The following CNST variants were observed in gnomAD, a reference collection of about 807,000 sequenced individuals.
CNST encodes consortin.
A neutral mutation model predicts 72.4 loss-of-function variants in CNST; 39 were observed. The ratio of observed to expected loss-of-function variants is 0.54; its 90% CI spans 0.42 to 0.70. CNST has a LOEUF of 0.70. CNST is among the 30% of genes least tolerant of loss of function. CNST has a pLI of 0.00. For missense variants in CNST, 871 were observed against 868.5 expected (o/e 1.00, Z -0.04); for synonymous variants, 332 against 320.1 (o/e 1.04, Z -0.40).
At chr1:246,599,804 C>T (rs969717992) in intron 2 of CNST, among the ~76,000 whole-genome samples, 13 of 152,212 alleles carry the variant, frequency 8.5e-5, no homozygotes, top group African/African-American at 3.1e-4. Context: ...TAATTCTTCA[C>T]TTTATAAAAG....
At chr1:246,609,404 C>T (rs548054034) in intron 2 of CNST, among the ~76,000 whole-genome samples, 36 of 152,196 alleles carry the variant, frequency 2.4e-4, no homozygotes, top group African/African-American at 6.3e-4. Flanking sequence ...GGCAAAACCC[C>T]GTCTCTACTA....
At chr1:246,622,259 A>C (rs61852393) in intron 3 of CNST, among the ~76,000 whole-genome samples, 6,670 of 152,290 alleles carry the variant, frequency 0.044, 194 homozygotes, top group Middle Eastern at 0.088. Context: ...GTAAACAGAG[A>C]TTACTTGGCA....
intron 1 of CNST, among the ~76,000 whole-genome samples, chr1:246,582,358 T>TGC (rs1660845563): frequency 1.4e-5 from 1 of 71,146 alleles, no homozygotes; most frequent in African/African-American, 3.9e-5. Context: ...CCTCCATGCT[T>TGC]TTTTTTTTTT....
chr1:246,644,798 G>A (rs1380158065), intron 8 of CNST, among the ~76,000 whole-genome samples: 1 of 152,314 alleles, frequency 6.6e-6, no homozygotes, highest in South Asian at 2.1e-4. Context: ...CATGTTTTGA[G>A]GGACATCTTC....
chr1:246,613,455 T>A (rs982881500), intron 2 of CNST, among the ~76,000 whole-genome samples: 14 of 151,942 alleles, frequency 9.2e-5, no homozygotes, highest in Admixed American at 2.6e-4. Flanking sequence ...CGTCTCTGAA[T>A]AATGGCATAA....
At chr1:246,601,906 C>T (rs1408433957) in intron 2 of CNST, among the ~76,000 whole-genome samples, 3 of 152,254 alleles carry the variant, frequency 2.0e-5, no homozygotes, top group South Asian at 4.1e-4. Flanking sequence ...ATGGAGAGAG[C>T]AGTTTGGAAG....
Position 246,591,523 on chromosome 1 carries a change from C to A in CNST, c.-40C>A. ...TTTTGTCATTGTAGACATGGAAGGTCTTTAATGTAACTTTAAATGGTTCAC... is the reference window on the plus strand; with the variant it reads ...TTTTGTCATTGTAGACATGGAAGGTATTTAATGTAACTTTAAATGGTTCAC... On this transcript the variant is annotated 5_prime_UTR_variant, in exon 2 of 11. Transcript: ENST00000366513. 5.0e-6 allele frequency: 8 copies of A among 1,610,260 alleles called. No homozygotes were observed. Among genetic ancestry groups the A allele is most frequent in the Non-Finnish European group, 6.8e-6 (8 of 1,177,568 alleles).
intron 3 of CNST, among the ~76,000 whole-genome samples, chr1:246,629,993 A>G (rs1465463828): frequency 6.6e-6 from 1 of 152,172 alleles, no homozygotes; most frequent in African/African-American, 2.4e-5. Context: ...CGGTCTCTCA[A>G]AGTGCTGGGA....
chr1:246,571,573 C>T lies in CNST; in HGVS notation c.-52+4910C>T, dbSNP rs188071912. On this transcript the variant is annotated intron_variant, in intron 1 of 10. Transcript: ENST00000366513. ...TCCTGTTTTTCATCATCATTAGCCA[C>T]GTGGAAAGGAAAGACAGTGTGTGCC... is the stretch of plus-strand genomic sequence containing the variant. Among the ~76,000 whole-genome samples, 113 of 152,228 alleles carry T rather than the reference C, an allele frequency of 7.4e-4. 1 individual carries two copies. The highest frequency in any genetic ancestry group is 1.2e-3 in the Non-Finnish European group (84 of 68,028).
In CNST at chr1:246,647,590, A is replaced by C. The variant is rs377662529; in HGVS notation, c.1389A>C (p.Pro463=). The C allele has an allele frequency of 1.4e-4, 219 of 1,614,110 alleles. No homozygotes were observed. The highest frequency in any genetic ancestry group is 1.8e-4 in the Non-Finnish European group (211 of 1,180,048). The change falls in exon 9 of 11, where the codon CCA becomes CCC. Residue 463 remains proline (P), a synonymous_variant. Transcript: ENST00000366513. ...SQAQRKELRL[P]LRDASEALPT... ...CTCAGAGGAAAGAACTCCGTTTGCC[A>C]CTTCGGGATGCTTCTGAGGCGTTGC...
At chr1:246,590,240 G>T (rs887703250) in intron 1 of CNST, among the ~76,000 whole-genome samples, 4 of 152,160 alleles carry the variant, frequency 2.6e-5, no homozygotes, top group African/African-American at 7.2e-5. Context: ...TGGGGAGCGT[G>T]ACTGGGGGCT....
rs538032720 is a variant in CNST, at chr1:246,651,395, G to T, written c.1836+3358G>T. On this transcript the variant is annotated intron_variant, in intron 9 of 10. Coordinates refer to ENST00000366513, the MANE Select transcript of CNST (RefSeq NM_152609.3). The stretch of plus-strand genomic sequence containing the variant: ...ATTGTGTTTGTGGTAGAGCATGCTG[G>T]TTTGTTCTTTCTTTGCCAGCTTTCC... Among the ~76,000 whole-genome samples, 3 of 152,162 alleles carry T rather than the reference G, an allele frequency of 2.0e-5. No individual in the cohort carries two copies. In the South Asian group the frequency reaches 6.2e-4, roughly 32 times the overall value.
At chr1:246,636,567 C>T (rs1246219579) in intron 6 of CNST, among the ~76,000 whole-genome samples, 5 of 152,254 alleles carry the variant, frequency 3.3e-5, no homozygotes, top group East Asian at 1.9e-4. Flanking sequence ...GGAAATACCA[C>T]GGGTGATTTT....
chr1:246,623,242 G>T (rs539971030), intron 3 of CNST, among the ~76,000 whole-genome samples: 1 of 152,332 alleles, frequency 6.6e-6, no homozygotes, highest in South Asian at 2.1e-4. Context: ...AAAAAAAATA[G>T]TGCAGCTGGC....
chr1:246,650,395 A>G (rs1666383450), intron 9 of CNST, among the ~76,000 whole-genome samples: 1 of 152,220 alleles, frequency 6.6e-6, no homozygotes, highest in Non-Finnish European at 1.5e-5. Flanking sequence ...TCCTATGACA[A>G]TGCCAAGCAG....
chr1:246,648,532 T>C (rs1450135693), intron 9 of CNST, among the ~76,000 whole-genome samples: 1 of 152,148 alleles, frequency 6.6e-6, no homozygotes, highest in African/African-American at 2.4e-5. Flanking sequence ...TTTAACCTTA[T>C]ATTAAGTTGA....
chr1:246,662,854 G>A (rs538419059), intron 10 of CNST, among the ~76,000 whole-genome samples: 1 of 152,220 alleles, frequency 6.6e-6, no homozygotes, highest in East Asian at 1.9e-4. Context: ...TACATGTCAA[G>A]TGCCCAACAG....
chr1:246,635,080 A>T (rs1287077100), intron 6 of CNST, among the ~76,000 whole-genome samples: 14 of 150,744 alleles, frequency 9.3e-5, no homozygotes, highest in Non-Finnish European at 1.8e-4. Flanking sequence ...GGGAGGAGTT[A>T]TTCATCCCCC....
chr1:246,595,352 G>A (rs549867021), intron 2 of CNST, among the ~76,000 whole-genome samples: 1 of 152,086 alleles, frequency 6.6e-6, no homozygotes, highest in Admixed American at 6.6e-5. Context: ...TCCATCACCC[G>A]GTCTGAGTAA....
Sources: allele counts gnomAD v4.1 joint callset (sites outside exome capture counted in the v4.1 genomes callset), GRCh38; gene constraint gnomAD v4.1.1; transcripts MANE v1.5; gene names NCBI Gene and HGNC (gene_info 2026-07-23, HGNC 2026-07-21).